The following NCOA3 variants were observed in gnomAD, a reference collection of about 807,000 sequenced individuals.
NCOA3 encodes nuclear receptor coactivator 3.
NCOA3 carries 51 observed loss-of-function variants against 158.8 expected under a neutral mutation model. That is an observed-to-expected ratio of 0.32 (90% CI 0.26 to 0.41). The LOEUF is 0.41. Ranked by LOEUF, NCOA3 falls within the 10% of genes least tolerant of loss-of-function variation. The pLI, the probability that NCOA3 is intolerant of heterozygous loss-of-function variation, is 1.00. For synonymous variants in NCOA3, 537 were observed against 592.4 expected, an observed-to-expected ratio of 0.91 and a Z score of 1.36; for missense variants, 1,510 against 1,746.6, an observed-to-expected ratio of 0.86 and a Z score of 2.41.
intron 2 of NCOA3, among the ~76,000 whole-genome samples, chr20:47,613,944 C>G (rs72645230): frequency 0.031 from 4,698 of 151,998 alleles, 115 homozygotes; most frequent in Middle Eastern, 0.099. Flanking sequence ...TCTTTTCTTT[C>G]CCCTCCTACT....
chr20:47,524,468 C>G (rs1187946847), intron 1 of NCOA3, among the ~76,000 whole-genome samples: 3 of 152,152 alleles, frequency 2.0e-5, no homozygotes, highest in African/African-American at 7.2e-5. Flanking sequence ...CCTTTCCTGG[C>G]CCATGCACCA....
intron 1 of NCOA3, among the ~76,000 whole-genome samples, chr20:47,577,884 A>G (rs909192425): frequency 6.6e-6 from 1 of 152,218 alleles, no homozygotes; most frequent in African/African-American, 2.4e-5. Context: ...TGTAGAATAC[A>G]TTATAAGTCA....
Position 47,639,092 on chromosome 20 carries a change from C to G in NCOA3, c.2597C>G (p.Ser866Ter). ...VSLDSPVSVG[S>*]SPPVKNISAF... is the part of the protein sequence containing the mutation. Reference sequence around the variant, plus strand: ...CTGGATAGCCCTGTTTCTGTTGGCTCAAGTCCTCCAGTAAAAAATATCAGT... The same window carrying G: ...CTGGATAGCCCTGTTTCTGTTGGCTGAAGTCCTCCAGTAAAAAATATCAGT... The change falls in exon 14 of 23, where the codon TCA becomes TGA. Residue 866 changes from serine to a stop codon, truncating the protein, a stop_gained. Coordinates refer to ENST00000371998, the MANE Select transcript of NCOA3 (RefSeq NM_181659.3). LOFTEE classifies it high-confidence loss of function. 6.2e-7 allele frequency: 1 copy of G among 1,614,160 alleles called. No homozygotes were observed.
intron 1 of NCOA3, among the ~76,000 whole-genome samples, chr20:47,513,271 G>C (rs2084177161): frequency 6.6e-6 from 1 of 152,082 alleles, no homozygotes; most frequent in Admixed American, 6.6e-5. Flanking sequence ...CACAAGCTTA[G>C]GTCCACACAC....
At chr20:47,612,947 T>C (rs1467990139) in intron 2 of NCOA3, among the ~76,000 whole-genome samples, 1 of 152,202 alleles carries the variant, frequency 6.6e-6, no homozygotes, top group East Asian at 1.9e-4. Context: ...AGTTGGCTAA[T>C]TGGTATGCCC....
chr20:47,649,463 C>A (rs180860034), intron 19 of NCOA3, among the ~76,000 whole-genome samples: 1 of 152,196 alleles, frequency 6.6e-6, no homozygotes, highest in East Asian at 1.9e-4. Flanking sequence ...AACATGCACA[C>A]TGGGTAAAAT....
At chr20:47,647,017 G>T in intron 17 of NCOA3, 56 bp from the exon 18 acceptor site, 2 of 1,521,220 alleles carry the variant, frequency 1.3e-6, no homozygotes, top group South Asian at 1.2e-5. Flanking sequence ...TAGAGCATTT[G>T]ACTTCTGTTG....
At chr20:47,624,897 C>T (rs1025025333) in intron 4 of NCOA3, among the ~76,000 whole-genome samples, 20 of 152,052 alleles carry the variant, frequency 1.3e-4, no homozygotes, top group African/African-American at 4.3e-4. Flanking sequence ...CTCAGCCTCC[C>T]GAGTAGCTAG....
intron 1 of NCOA3, among the ~76,000 whole-genome samples, chr20:47,566,140 C>T (rs1230901721): frequency 6.6e-6 from 1 of 152,128 alleles, no homozygotes; most frequent in East Asian, 1.9e-4. Context: ...CCAGGCTGGT[C>T]TCGAACTCCA....
At chr20:47,601,873 A>G (rs2085870191) in intron 2 of NCOA3, among the ~76,000 whole-genome samples, 1 of 152,206 alleles carries the variant, frequency 6.6e-6, no homozygotes, top group Non-Finnish European at 1.5e-5. Context: ...ACATGAGTAC[A>G]TGACAGCTGA....
intron 1 of NCOA3, among the ~76,000 whole-genome samples, chr20:47,581,763 C>T (rs1239886672): frequency 6.6e-6 from 1 of 152,158 alleles, no homozygotes; most frequent in African/African-American, 2.4e-5. Context: ...AACCTGCACG[C>T]CATTTCTTCA....
chr20:47,564,563 GTAGA>G (rs2085162296), intron 1 of NCOA3, among the ~76,000 whole-genome samples: 8 of 147,028 alleles, frequency 5.4e-5, no homozygotes, highest in African/African-American at 2.0e-4. Flanking sequence ...TTTTTTTTAG[GTAGA>G]ATATTGTAGT....
chr20:47,582,604 C>T (rs762375882), intron 1 of NCOA3, among the ~76,000 whole-genome samples: 8 of 150,784 alleles, frequency 5.3e-5, no homozygotes, highest in Non-Finnish European at 1.0e-4. Flanking sequence ...TGGCCTCAAG[C>T]GGTCCTCCTA....
In NCOA3 at chr20:47,656,062, C is replaced by CTGT. The variant is rs2086868104; in HGVS notation, c.*2648_*2650dup. On this transcript the variant is annotated 3_prime_UTR_variant, in exon 23 of 23. Transcript: ENST00000371998. Reference sequence around the variant, plus strand: ...CCCCCATTTTTTCAAACCTTGGTATCTGTTGGGTGAACAGTATAATCTTTT... The same window carrying CTGT: ...CCCCCATTTTTTCAAACCTTGGTATCTGTTGTTGGGTGAACAGTATAATCTTTT... The CTGT allele has an allele frequency of 6.7e-6, 1 of 150,060 alleles. No homozygotes were observed. The highest frequency in any genetic ancestry group is 2.5e-5 in the African/African-American group (1 of 40,736). 9.3% of individuals were successfully genotyped at this position (150,060 alleles called of 1,614,324 possible).
intron 8 of NCOA3, chr20:47,631,570 C>T (rs1314393817): frequency 6.6e-6 from 1 of 152,136 alleles, no homozygotes; most frequent in African/African-American, 2.4e-5. Context: ...TGATATTAAG[C>T]AAAAGTTGTC....
At chr20:47,627,527 T>C in intron 6 of NCOA3, 34 bp from the exon 7 acceptor site, 1 of 1,547,952 alleles carries the variant, frequency 6.5e-7, no homozygotes, top group Non-Finnish European at 8.8e-7. Context: ...AGTTACCAGC[T>C]TTTTAAAATG....
rs111261882 is a variant in NCOA3, at chr20:47,641,220, G to A, written c.3081-993G>A. On this transcript the variant is annotated intron_variant, in intron 16 of 22. Transcript: ENST00000371998. ...AGAACTGAGGCAACTTGCTGTGGGT[G>A]TATGGGGTTTGTGTTACACTTGCCA... 1.8e-4 allele frequency among the ~76,000 whole-genome samples: 27 copies of A among 152,166 alleles called. 4 individuals are homozygous for A. The highest frequency in any genetic ancestry group is 6.3e-4 in the African/African-American group (26 of 41,538).
intron 1 of NCOA3, among the ~76,000 whole-genome samples, chr20:47,511,211 A>G (rs2084118042): frequency 6.6e-6 from 1 of 151,376 alleles, no homozygotes; most frequent in South Asian, 2.1e-4. Flanking sequence ...AGGGTACAGC[A>G]TGTTGAAGAA....
intron 1 of NCOA3, among the ~76,000 whole-genome samples, chr20:47,572,858 A>G (rs569740294): frequency 5.8e-4 from 89 of 152,228 alleles, no homozygotes; most frequent in African/African-American, 2.1e-3. Context: ...TTTGACTTAA[A>G]GTGAGAGATG....
Sources: gnomAD v4.1 joint callset for allele counts (sites outside exome capture counted in the v4.1 genomes callset) on GRCh38, gnomAD v4.1.1 for gene constraint, MANE v1.5 for transcripts, NCBI Gene and HGNC (gene_info 2026-07-23, HGNC 2026-07-21) for gene names.